Variants in PTPRG observed in about 807,000 individuals in gnomAD.
PTPRG encodes protein tyrosine phosphatase receptor type G.
Under a neutral mutation model 165.3 loss-of-function variants are expected in PTPRG, and 102 were observed. The ratio of observed to expected loss-of-function variants is 0.62; its 90% CI spans 0.53 to 0.73. The LOEUF (loss-of-function observed/expected upper bound fraction) is 0.73. Ranked by LOEUF, PTPRG falls within the 30% of genes least tolerant of loss-of-function variation. PTPRG has a pLI of 0.00. For missense variants in PTPRG, 1,866 were observed against 1,861.4 expected (o/e 1.00, Z -0.05); for synonymous variants, 675 against 669.5 (o/e 1.01, Z -0.13).
intron 2 of PTPRG, among the ~76,000 whole-genome samples, chr3:61,864,384 G>A (rs999199276): frequency 1.3e-5 from 2 of 152,124 alleles, no homozygotes; most frequent in African/African-American, 4.8e-5. Flanking sequence ...TATGATAGGT[G>A]GATAAGGGGA....
intron 6 of PTPRG, among the ~76,000 whole-genome samples, chr3:62,134,045 A>G (rs1185588656): frequency 2.6e-5 from 4 of 152,164 alleles, no homozygotes; most frequent in Admixed American, 6.5e-5. Context: ...GAAGGGTACT[A>G]GCCCCATTCT....
chr3:62,130,780 G>C (rs1198282394), intron 5 of PTPRG, among the ~76,000 whole-genome samples: 1 of 152,132 alleles, frequency 6.6e-6, no homozygotes, highest in Non-Finnish European at 1.5e-5. Context: ...TTCTTCTAAT[G>C]CAATTTTGAT....
At chr3:61,919,110 C>T (rs2039014452) in intron 2 of PTPRG, among the ~76,000 whole-genome samples, 1 of 152,138 alleles carries the variant, frequency 6.6e-6, no homozygotes, top group African/African-American at 2.4e-5. Flanking sequence ...CCTGTGATTC[C>T]TGCATTCCCA....
At chr3:62,275,170 T>A (rs932879752) in intron 23 of PTPRG, among the ~76,000 whole-genome samples, 2 of 152,164 alleles carry the variant, frequency 1.3e-5, no homozygotes, top group Admixed American at 6.5e-5. Context: ...TAAACAGGAA[T>A]AATAATCAAA....
chr3:62,109,027 G>A (rs1483394783), intron 5 of PTPRG, among the ~76,000 whole-genome samples: 2 of 151,946 alleles, frequency 1.3e-5, no homozygotes, highest in African/African-American at 4.8e-5. Context: ...TTCTTTTGCT[G>A]TACAGAAGCT....
intron 2 of PTPRG, among the ~76,000 whole-genome samples, chr3:61,945,010 T>C (rs2039721830): frequency 6.6e-6 from 1 of 152,168 alleles, no homozygotes; most frequent in South Asian, 2.1e-4. Context: ...GCGTGTGTCA[T>C]GAAGGTCTCT....
chr3:61,883,783 G>A (rs1534807), intron 2 of PTPRG, among the ~76,000 whole-genome samples: 1,537 of 152,176 alleles, frequency 0.01, 15 homozygotes, highest in African/African-American at 0.028. Context: ...CAATCACAGC[G>A]CACTGTAGCC....
At chr3:62,108,367 G>A (rs1026771637) in intron 5 of PTPRG, among the ~76,000 whole-genome samples, 1 of 152,158 alleles carries the variant, frequency 6.6e-6, no homozygotes, top group Admixed American at 6.6e-5. Flanking sequence ...CTGCAAAGGA[G>A]ATGAACTCAT....
chr3:62,269,298 T>C lies in PTPRG; in HGVS notation c.3009+129T>C, dbSNP rs538529781. On this transcript the variant is annotated intron_variant, in intron 20 of 29. Coordinates refer to ENST00000474889, the MANE Select transcript of PTPRG (RefSeq NM_002841.4). The stretch of plus-strand genomic sequence containing the variant: ...AAAGTATTTTTAAAACATTTTTTCA[T>C]AACTCTTTTGATTGACATCAGTGTA... 1.0e-5 allele frequency: 10 copies of C among 1,001,388 alleles called. No individual in the cohort carries two copies. The East Asian group carries it at 2.4e-4, about 24-fold the overall frequency. 62.0% of individuals were successfully genotyped at this position (1,001,388 alleles called of 1,614,324 possible).
intron 1 of PTPRG, among the ~76,000 whole-genome samples, chr3:61,646,246 TG>T (rs961386413): frequency 3.9e-5 from 6 of 152,100 alleles, no homozygotes; most frequent in African/African-American, 1.4e-4. Context: ...GCTGGGACCA[TG>T]GGTCCCACCA....
intron 1 of PTPRG, among the ~76,000 whole-genome samples, chr3:61,738,764 GCTTA>G (rs2032861729): frequency 6.6e-6 from 1 of 150,792 alleles, no homozygotes; most frequent in African/African-American, 2.4e-5. Context: ...GTAACTTAAT[GCTTA>G]CTTCTTTATT....
At chr3:61,604,934 G>T (rs542746830) in intron 1 of PTPRG, among the ~76,000 whole-genome samples, 118 of 152,290 alleles carry the variant, frequency 7.7e-4, no homozygotes, top group Non-Finnish European at 1.5e-3. Context: ...TCTGCTAGAT[G>T]AGAAAATGGA....
chr3:62,093,090 G>T (rs902646283), intron 5 of PTPRG, among the ~76,000 whole-genome samples: 1 of 152,158 alleles, frequency 6.6e-6, no homozygotes, highest in African/African-American at 2.4e-5. Flanking sequence ...GATGTAATTG[G>T]TCCAGGAGAT....
intron 1 of PTPRG, among the ~76,000 whole-genome samples, chr3:61,735,116 C>T (rs2032668928): frequency 6.6e-6 from 1 of 152,134 alleles, no homozygotes; most frequent in Non-Finnish European, 1.5e-5. Context: ...AACATTTTTC[C>T]TCATATAATT....
chr3:61,841,403 G>C (rs2036629211), intron 2 of PTPRG, among the ~76,000 whole-genome samples: 1 of 152,104 alleles, frequency 6.6e-6, no homozygotes, highest in South Asian at 2.1e-4. Flanking sequence ...GAGGTTTCTT[G>C]TTTCTTTTAA....
chr3:61,781,113 A>G (rs1021477576), intron 2 of PTPRG, among the ~76,000 whole-genome samples: 15 of 152,236 alleles, frequency 9.9e-5, no homozygotes, highest in African/African-American at 3.6e-4. Flanking sequence ...AAGGAGTTGG[A>G]TAGGATAGCC....
intron 2 of PTPRG, among the ~76,000 whole-genome samples, chr3:61,866,161 TGG>T (rs2037402817): frequency 6.6e-6 from 1 of 152,212 alleles, no homozygotes; most frequent in South Asian, 2.1e-4. Context: ...CATCCAGGAA[TGG>T]GCTGACATTG....
chr3:61,855,681 G>A (rs1431385996), intron 2 of PTPRG, among the ~76,000 whole-genome samples: 2 of 122,068 alleles, frequency 1.6e-5, no homozygotes, highest in African/African-American at 6.5e-5. Flanking sequence ...TAAAAGCAAA[G>A]CACTGATTTA....
At chr3:62,036,983 G>GCGCGCACACA (rs145992725) in intron 4 of PTPRG, among the ~76,000 whole-genome samples, 37 of 150,562 alleles carry the variant, frequency 2.5e-4, no homozygotes, top group Middle Eastern at 3.4e-3. Context: ...GCGCGCGCAC[G>GCGCGCACACA]CACACACACA....
Sources: allele counts gnomAD v4.1 joint callset (sites outside exome capture counted in the v4.1 genomes callset), GRCh38; gene constraint gnomAD v4.1.1; transcripts MANE v1.5; gene names NCBI Gene and HGNC (gene_info 2026-07-23, HGNC 2026-07-21).